The following GHR variants were observed in gnomAD, a reference collection of about 807,000 sequenced individuals.
The protein encoded by GHR is GH receptor.
Under a neutral mutation model 67.1 loss-of-function variants are expected in GHR, and 35 were observed. The ratio of observed to expected loss-of-function variants is 0.52; its 90% CI spans 0.40 to 0.69. GHR has a LOEUF of 0.69. Among genes scored for constraint, GHR ranks in the 30% least tolerant of loss-of-function variants. The pLI is 0.00. For synonymous variants in GHR, 272 were observed against 269.1 expected, an observed-to-expected ratio of 1.01 and a Z score of -0.10; for missense variants, 792 against 764.6, an observed-to-expected ratio of 1.04 and a Z score of -0.42.
rs1742735799 is a variant in GHR, at chr5:42,424,156, G to T, written c.-12+201G>T. 1.4e-5 allele frequency among the ~76,000 whole-genome samples: 2 copies of T among 144,484 alleles called. No individual in the cohort carries two copies. Among genetic ancestry groups the T allele is most frequent in the Non-Finnish European group, 3.0e-5 (2 of 66,464 alleles). The allele number at this position is 144,484 out of a possible 152,430, so 94.8% of individuals were successfully genotyped here. A position where few individuals can be genotyped will look rare whatever the true frequency, so the allele number is the denominator to read the frequency against. ...AGAAGTTGTTTTCTGCTGGTGGGTT[G>T]TTGTAACCCAATCTAGTGTGTGTGT... is the stretch of plus-strand genomic sequence containing the variant. On this transcript the variant is annotated intron_variant, in intron 1 of 9. Coordinates refer to ENST00000230882, the MANE Select transcript of GHR (RefSeq NM_000163.5). The surrounding 1 kb of genome is among the most constrained non-coding windows in gnomAD (Gnocchi z 4.1).
At chr5:42,544,740 C>G (rs910862027) in intron 1 of GHR, among the ~76,000 whole-genome samples, 1 of 152,018 alleles carries the variant, frequency 6.6e-6, no homozygotes, top group Non-Finnish European at 1.5e-5. Flanking sequence ...ATAAGGAAAC[C>G]GTTCAATCCA....
At chr5:42,481,216 C>A (rs935179086) in intron 1 of GHR, among the ~76,000 whole-genome samples, 6 of 152,094 alleles carry the variant, frequency 3.9e-5, no homozygotes, top group Middle Eastern at 3.2e-3. Flanking sequence ...AATATTGGCC[C>A]CCACTCTCTT....
At chr5:42,497,380 T>G (rs1746364362) in intron 1 of GHR, among the ~76,000 whole-genome samples, 1 of 152,190 alleles carries the variant, frequency 6.6e-6, no homozygotes, top group Non-Finnish European at 1.5e-5. Context: ...TTTCATCCCT[T>G]TCTCTCTGTT....
At chr5:42,667,670 C>T (rs569445924) in intron 3 of GHR, among the ~76,000 whole-genome samples, 1 of 152,204 alleles carries the variant, frequency 6.6e-6, no homozygotes, top group Admixed American at 6.5e-5. Context: ...GGTCAGGTGC[C>T]CAAGGAAAGG....
At chr5:42,639,021 A>G (rs1754339786) in intron 3 of GHR, among the ~76,000 whole-genome samples, 1 of 152,176 alleles carries the variant, frequency 6.6e-6, no homozygotes, top group Admixed American at 6.5e-5. Context: ...TAAGGATTCA[A>G]TGTATCGGCT....
At chr5:42,441,021 G>A (rs184564459) in intron 1 of GHR, among the ~76,000 whole-genome samples, 11 of 152,274 alleles carry the variant, frequency 7.2e-5, no homozygotes, top group Admixed American at 7.2e-4. Context: ...TTGAGTCCTG[G>A]ATCAGAGGAG....
chr5:42,683,417 C>T (rs1756984824), intron 3 of GHR, among the ~76,000 whole-genome samples: 2 of 152,220 alleles, frequency 1.3e-5, no homozygotes, highest in Admixed American at 1.3e-4. Context: ...TCATCAAAAC[C>T]AGCAAAAGGG....
intron 3 of GHR, among the ~76,000 whole-genome samples, chr5:42,663,903 G>A (rs890137157): frequency 6.6e-6 from 1 of 152,076 alleles, no homozygotes; most frequent in Non-Finnish European, 1.5e-5. Flanking sequence ...AAAGTCTCAG[G>A]ATACAAAATC....
At chr5:42,628,935 C>A (rs1353588231) in intron 2 of GHR, 103 bp from the exon 3 acceptor site, 2 of 719,278 alleles carry the variant, frequency 2.8e-6, no homozygotes, top group South Asian at 3.1e-5. Flanking sequence ...GGGGTCCATT[C>A]GGTTGGTTTG....
At chr5:42,534,516 G>A (rs56289868) in intron 1 of GHR, among the ~76,000 whole-genome samples, 45,845 of 143,802 alleles carry the variant, frequency 0.32, 7,902 homozygotes, top group African/African-American at 0.47. Flanking sequence ...ATATGTATAT[G>A]TGTATATATG....
intron 1 of GHR, among the ~76,000 whole-genome samples, chr5:42,491,622 T>C (rs1746115995): frequency 6.6e-6 from 1 of 152,226 alleles, no homozygotes; most frequent in Non-Finnish European, 1.5e-5. Flanking sequence ...GCATACCTTA[T>C]TGTATACATT....
At chr5:42,467,041 T>TTACACATGTAATGAG in intron 1 of GHR, 4 of 1,575,202 alleles carry the variant, frequency 2.5e-6, no homozygotes, top group Non-Finnish European at 3.5e-6. Context: ...CCCACACTCA[T>TTACACATGTAATGAG]TACACATGTA....
chr5:42,608,399 C>T (rs58649996), intron 2 of GHR, among the ~76,000 whole-genome samples: 3,832 of 151,804 alleles, frequency 0.025, 180 homozygotes, highest in African/African-American at 0.087. Context: ...ATCATATTGC[C>T]ATGAAATTTA....
chr5:42,448,841 C>T (rs1194658735), intron 1 of GHR, among the ~76,000 whole-genome samples: 1 of 151,998 alleles, frequency 6.6e-6, no homozygotes, highest in East Asian at 1.9e-4. Flanking sequence ...CAGTTTCATC[C>T]TTCTACATGG....
At chr5:42,643,483 A>T (rs143194916) in intron 3 of GHR, among the ~76,000 whole-genome samples, 32 of 152,294 alleles carry the variant, frequency 2.1e-4, no homozygotes, top group Admixed American at 4.6e-4. Context: ...TGGTGTGGGC[A>T]TGAGTCTACC....
intron 1 of GHR, among the ~76,000 whole-genome samples, chr5:42,504,901 T>C (rs1368608764): frequency 6.6e-6 from 1 of 152,240 alleles, no homozygotes; most frequent in Non-Finnish European, 1.5e-5. Context: ...GAGGGGCTTC[T>C]TTCTCTTTAA....
At chr5:42,705,580 A>G (rs116294943) in intron 6 of GHR, among the ~76,000 whole-genome samples, 6,444 of 151,992 alleles carry the variant, frequency 0.042, 190 homozygotes, top group African/African-American at 0.084. Flanking sequence ...AGTAGGCCCC[A>G]GTATCTGTGG....
chr5:42,442,407 A>G (rs1355666849), intron 1 of GHR, among the ~76,000 whole-genome samples: 5 of 152,184 alleles, frequency 3.3e-5, no homozygotes, highest in Admixed American at 6.5e-5. Flanking sequence ...ATCTAGGCTT[A>G]GGATTTTGTC....
chr5:42,431,800 A>C (rs1053829164), intron 1 of GHR, among the ~76,000 whole-genome samples: 1 of 152,234 alleles, frequency 6.6e-6, no homozygotes, highest in African/African-American at 2.4e-5. Context: ...GAAGAAGTGC[A>C]CTTCACAGGG....
Sources: allele counts gnomAD v4.1 joint callset (sites outside exome capture counted in the v4.1 genomes callset), GRCh38; gene constraint gnomAD v4.1.1; non-coding constraint Gnocchi (gnomAD v3.1); transcripts MANE v1.5; gene names NCBI Gene and HGNC (gene_info 2026-07-23, HGNC 2026-07-21).